SFRP1: variants seen among roughly 807,000 people sequenced by gnomAD.
The protein encoded by SFRP1 is secreted frizzled related protein 1.
A neutral mutation model predicts 25.9 loss-of-function variants in SFRP1; 9 were observed. The observed-to-expected ratio is 0.35, with a 90% CI of 0.21 to 0.61. The LOEUF is 0.61. Among genes scored for constraint, SFRP1 ranks in the 20% least tolerant of loss-of-function variants. The pLI, the probability that SFRP1 is intolerant of heterozygous loss-of-function variation, is 0.78. For missense variants in SFRP1, 346 were observed against 418.2 expected, an observed-to-expected ratio of 0.83 and a Z score of 1.51; for synonymous variants, 178 against 174.0, an observed-to-expected ratio of 1.02 and a Z score of -0.18.
chr8:41,290,799 T>C (rs1261374871), intron 2 of SFRP1, among the ~76,000 whole-genome samples: 1 of 150,250 alleles, frequency 6.7e-6, no homozygotes, highest in Non-Finnish European at 1.5e-5. Context: ...GTCCAAAATG[T>C]CTCACCACTG....
In SFRP1 at chr8:41,309,077, A is replaced by C; in HGVS notation, c.83T>G (p.Val28Gly). 1 of 1,596,864 alleles carries C rather than the reference A, an allele frequency of 6.3e-7. No individual in the cohort carries two copies. The highest frequency in any genetic ancestry group is 8.5e-7 in the Non-Finnish European group (1 of 1,177,930). ...GTAGTCGTACTCGCTGGCCGAGCCCACGGCCAGAAGCGCCGCGCCCAGCGC... is the reference window on the plus strand; with the variant it reads ...GTAGTCGTACTCGCTGGCCGAGCCCCCGGCCAGAAGCGCCGCGCCCAGCGC... ...LLALGAALLA[V>G]GSASEYDYVS... The change falls in exon 1 of 3, where the codon GTG becomes GGG. Residue 28 changes from valine to glycine, a missense_variant. Coordinates refer to ENST00000220772, the MANE Select transcript of SFRP1 (RefSeq NM_003012.5).
rs561965318 is a variant in SFRP1 at position 41,290,886 on chromosome 8, CTTTTTTTTTTTTTTTTTTT to C, written c.622+12556_622+12574del. 6.3e-4 allele frequency among the ~76,000 whole-genome samples: 34 copies of C among 53,894 alleles called. 1 individual carries two copies. The East Asian group carries it at 0.011, about 17-fold the overall frequency. 35.4% of individuals were successfully genotyped at this position (53,894 alleles called of 152,430 possible). On this transcript the variant is annotated intron_variant, in intron 2 of 2. Coordinates refer to ENST00000220772, the MANE Select transcript of SFRP1 (RefSeq NM_003012.5). ...GTCTTCTTCTCCTCCTCTTCCTCGT[CTTTTTTTTTTTTTTTTTTT>C]TTTTTTTTTTTTTTTTTTTGAGATG...
intron 2 of SFRP1, among the ~76,000 whole-genome samples, chr8:41,283,280 A>G (rs1160095023): frequency 6.6e-6 from 1 of 152,094 alleles, no homozygotes; most frequent in Non-Finnish European, 1.5e-5. Flanking sequence ...AGTCCCTTTC[A>G]GAGTGTGTGT....
At chr8:41,265,882 G>A (rs1335703350) in intron 2 of SFRP1, among the ~76,000 whole-genome samples, 1 of 152,154 alleles carries the variant, frequency 6.6e-6, no homozygotes, top group Non-Finnish European at 1.5e-5. Flanking sequence ...GAAACAGGCA[G>A]TTTTATCCAT....
intron 2 of SFRP1, among the ~76,000 whole-genome samples, chr8:41,268,587 CCT>C (rs773417121): frequency 2.6e-5 from 4 of 152,132 alleles, no homozygotes; most frequent in Non-Finnish European, 4.4e-5. Context: ...CCACTTGGCC[CCT>C]TTCTTTTTTT....
chr8:41,272,600 C>T (rs1437897501), intron 2 of SFRP1, among the ~76,000 whole-genome samples: 1 of 152,166 alleles, frequency 6.6e-6, no homozygotes, highest in African/African-American at 2.4e-5. Context: ...CAGAGCCAGA[C>T]TGTCTCAAAA....
rs376176714 is a variant in SFRP1, at chr8:41,308,595, C to A, written c.544+21G>T. The A allele has an allele frequency of 5.2e-6, 8 of 1,551,916 alleles. No homozygotes were observed. In the African/African-American group the frequency reaches 9.5e-5, roughly 18 times the overall value. On this transcript the variant is annotated intron_variant, in intron 1 of 2. Coordinates refer to ENST00000220772, the MANE Select transcript of SFRP1 (RefSeq NM_003012.5). ...GGGGATGGAGGGGGCGGCTCGCGCA[C>A]GTGGGAGGAGGCAGCCTTACCTTGG...
chr8:41,287,847 C>T (rs1007876120), intron 2 of SFRP1, among the ~76,000 whole-genome samples: 2 of 152,174 alleles, frequency 1.3e-5, no homozygotes, highest in Non-Finnish European at 2.9e-5. Context: ...ATGCTGACAG[C>T]CTCCACATAA....
At chr8:41,288,065 A>T (rs1357548813) in intron 2 of SFRP1, among the ~76,000 whole-genome samples, 1 of 151,664 alleles carries the variant, frequency 6.6e-6, no homozygotes, top group African/African-American at 2.4e-5. Flanking sequence ...AAAAAAAAAA[A>T]ATTTAAATTT....
At chr8:41,287,634 C>T (rs1354334271) in intron 2 of SFRP1, among the ~76,000 whole-genome samples, 1 of 152,230 alleles carries the variant, frequency 6.6e-6, no homozygotes, top group African/African-American at 2.4e-5. Flanking sequence ...TTTGCTCTCC[C>T]TGTGAGTCCA....
chr8:41,307,757 C>T (rs1375903307), intron 1 of SFRP1, among the ~76,000 whole-genome samples: 3 of 152,106 alleles, frequency 2.0e-5, no homozygotes, highest in Non-Finnish European at 4.4e-5. Context: ...AAGAATTGCT[C>T]TTTAAACATA....
chr8:41,307,635 G>T lies in SFRP1; in HGVS notation c.544+981C>A, dbSNP rs148592256. ...TCAGAGCCTAAACTTCGCTTCTAAA[G>T]AATTCTGGGTTGAATTTACTTCTAT... On this transcript the variant is annotated intron_variant, in intron 1 of 2. Transcript: ENST00000220772. 1.8e-3 allele frequency among the ~76,000 whole-genome samples: 280 copies of T among 152,290 alleles called. 2 individuals carry two copies. The highest frequency in any genetic ancestry group is 6.8e-3 in the Middle Eastern group (2 of 294).
intron 1 of SFRP1, chr8:41,306,759 G>A (rs1458955113): frequency 1.9e-6 from 3 of 1,598,112 alleles, no homozygotes; most frequent in South Asian, 1.1e-5. Context: ...GAGTGAGGAC[G>A]GTTCCAAGCC....
chr8:41,269,398 G>C (rs910622808), intron 2 of SFRP1, among the ~76,000 whole-genome samples: 2 of 152,076 alleles, frequency 1.3e-5, no homozygotes, highest in Non-Finnish European at 2.9e-5. Flanking sequence ...GCTGCAACAA[G>C]GGCCTGCCTG....
chr8:41,305,681 CAA>C (rs567848988), intron 1 of SFRP1, among the ~76,000 whole-genome samples: 2 of 151,952 alleles, frequency 1.3e-5, no homozygotes, highest in African/African-American at 4.8e-5. Flanking sequence ...AGCAAATGAA[CAA>C]AAAAAGCAAA....
chr8:41,295,558 C>G (rs1803834023), intron 2 of SFRP1, among the ~76,000 whole-genome samples: 1 of 151,882 alleles, frequency 6.6e-6, no homozygotes, highest in Admixed American at 6.6e-5. Flanking sequence ...ACTACAGTAC[C>G]TTCCCTGGAA....
At chr8:41,301,369 G>A (rs1246619628) in intron 2 of SFRP1, among the ~76,000 whole-genome samples, 1 of 152,066 alleles carries the variant, frequency 6.6e-6, no homozygotes, top group African/African-American at 2.4e-5. Context: ...GCTGAGCTAG[G>A]AAACACGTTT....
intron 2 of SFRP1, among the ~76,000 whole-genome samples, chr8:41,300,495 T>C (rs1803901177): frequency 6.6e-6 from 1 of 152,144 alleles, no homozygotes; most frequent in South Asian, 2.1e-4. Context: ...TGTATCACCA[T>C]GCAAATTTCC....
intron 2 of SFRP1, among the ~76,000 whole-genome samples, chr8:41,281,173 G>A (rs187589199): frequency 4.6e-5 from 7 of 152,200 alleles, no homozygotes; most frequent in East Asian, 3.9e-4. Flanking sequence ...CTTCCACTCC[G>A]TGCAGGGAGG....
Sources: gnomAD v4.1 joint callset for allele counts (sites outside exome capture counted in the v4.1 genomes callset) on GRCh38, gnomAD v4.1.1 for gene constraint, MANE v1.5 for transcripts, NCBI Gene and HGNC (gene_info 2026-07-23, HGNC 2026-07-21) for gene names.